The following AFF3 variants were observed in gnomAD, a reference collection of about 807,000 sequenced individuals.
AFF3 encodes AF4/FMR2 family member 3.
A neutral mutation model predicts 129.7 loss-of-function variants in AFF3; 32 were observed. The observed-to-expected ratio is 0.25, with a 90% CI of 0.19 to 0.33. The LOEUF is 0.33. AFF3 is among the 10% of genes least tolerant of loss of function. The pLI is 1.00. For missense variants in AFF3, 1,373 were observed against 1,592.0 expected, an observed-to-expected ratio of 0.86 and a Z score of 2.34; for synonymous variants, 644 against 635.4, an observed-to-expected ratio of 1.01 and a Z score of -0.20.
Position 99,545,897 on chromosome 2 carries a change from T to C in AFF3, c.*5577A>G, listed in dbSNP as rs1451252256. On this transcript the variant is annotated 3_prime_UTR_variant, in exon 25 of 25. Transcript: ENST00000672756. Reference sequence around the variant, plus strand: ...AGAACGGAGTTTATAATTTTCCTCATGCCAAGCAAACAAGTTAACCCCTTT... The same window carrying C: ...AGAACGGAGTTTATAATTTTCCTCACGCCAAGCAAACAAGTTAACCCCTTT... 1 of 197,186 alleles carries C rather than the reference T, an allele frequency of 5.1e-6. No individual in the cohort carries two copies. Among genetic ancestry groups the C allele is most frequent in the Non-Finnish European group, 1.1e-5 (1 of 95,076 alleles). 12.2% of individuals were successfully genotyped at this position (197,186 alleles called of 1,614,324 possible).
At chr2:99,818,175 T>C (rs1687388370) in intron 8 of AFF3, among the ~76,000 whole-genome samples, 1 of 152,190 alleles carries the variant, frequency 6.6e-6, no homozygotes, top group Admixed American at 6.5e-5. Flanking sequence ...TCAAAGGAAA[T>C]GTTTATTGTA....
intron 7 of AFF3, among the ~76,000 whole-genome samples, chr2:99,865,061 C>A (rs1441279264): frequency 6.6e-6 from 1 of 152,236 alleles, no homozygotes; most frequent in African/African-American, 2.4e-5. Flanking sequence ...CACTGCAACA[C>A]TCAGTGTATT....
chr2:99,976,966 A>C (rs1678956458), intron 7 of AFF3, among the ~76,000 whole-genome samples: 1 of 152,224 alleles, frequency 6.6e-6, no homozygotes, highest in Non-Finnish European at 1.5e-5. Flanking sequence ...AAGGGTACTC[A>C]GAGAGAGGAT....
chr2:100,009,610 G>T (rs1278051460), intron 4 of AFF3, among the ~76,000 whole-genome samples: 4 of 152,152 alleles, frequency 2.6e-5, no homozygotes, highest in Non-Finnish European at 5.9e-5. Flanking sequence ...GTGTCATCAA[G>T]GAACTCCGCC....
intron 10 of AFF3, among the ~76,000 whole-genome samples, chr2:99,743,846 T>C (rs778846100): frequency 4.1e-4 from 63 of 152,334 alleles, no homozygotes; most frequent in Admixed American, 1.2e-3. Flanking sequence ...TAATAAAGCA[T>C]GAAGTTCCTT....
At chr2:99,629,299 T>A (rs926072536) in intron 13 of AFF3, among the ~76,000 whole-genome samples, 1 of 152,180 alleles carries the variant, frequency 6.6e-6, no homozygotes, top group Admixed American at 6.5e-5. Context: ...CTGAGTGACT[T>A]TTGTCAGTGA....
At chr2:99,596,962 C>T (rs1679349991) in intron 14 of AFF3, among the ~76,000 whole-genome samples, 1 of 152,110 alleles carries the variant, frequency 6.6e-6, no homozygotes, top group Non-Finnish European at 1.5e-5. Context: ...CTAAGGGGGG[C>T]GTTTAAGGGC....
At chr2:100,068,755 G>T (rs954850899) in intron 4 of AFF3, among the ~76,000 whole-genome samples, 3 of 152,126 alleles carry the variant, frequency 2.0e-5, no homozygotes, top group Non-Finnish European at 4.4e-5. Context: ...GATGCTGGGA[G>T]GGAAATCCCA....
chr2:100,104,724 C>T, intron 3 of AFF3: 1 of 946,412 alleles, frequency 1.1e-6, no homozygotes, highest in Non-Finnish European at 1.2e-6. Context: ...CTCGCCGCGC[C>T]GCCGCCGCCC....
At chr2:99,956,045 G>A (rs752050481) in intron 7 of AFF3, among the ~76,000 whole-genome samples, 47 of 151,492 alleles carry the variant, frequency 3.1e-4, no homozygotes, top group Non-Finnish European at 5.7e-4. Context: ...AAAAATAAAA[G>A]CAGAAAAACT....
intron 9 of AFF3, among the ~76,000 whole-genome samples, chr2:99,751,499 T>C (rs1234709487): frequency 6.6e-6 from 1 of 152,224 alleles, no homozygotes; most frequent in Non-Finnish European, 1.5e-5. Context: ...AAAATATACA[T>C]ATTTTCTATA....
At chr2:99,633,323 G>A (rs972403518) in intron 13 of AFF3, among the ~76,000 whole-genome samples, 1 of 152,114 alleles carries the variant, frequency 6.6e-6, no homozygotes, top group Non-Finnish European at 1.5e-5. Context: ...AGTGATGAGG[G>A]TCACCAAAAG....
At chr2:99,998,715 C>A (rs1422589070) in intron 7 of AFF3, among the ~76,000 whole-genome samples, 2 of 152,134 alleles carry the variant, frequency 1.3e-5, no homozygotes, top group East Asian at 1.9e-4. Context: ...GAGACATACA[C>A]GGCTTATGTT....
intron 4 of AFF3, among the ~76,000 whole-genome samples, chr2:100,032,908 G>C (rs982632945): frequency 6.6e-6 from 1 of 152,154 alleles, no homozygotes; most frequent in Non-Finnish European, 1.5e-5. Flanking sequence ...ATTACCATAA[G>C]TAGTAAGTAA....
chr2:99,842,652 A>G (rs1441384850), intron 7 of AFF3, among the ~76,000 whole-genome samples: 1 of 152,220 alleles, frequency 6.6e-6, no homozygotes, highest in African/African-American at 2.4e-5. Flanking sequence ...ACTGTCTAGC[A>G]TGTGATTTCC....
chr2:99,766,623 T>TC (rs571809561), intron 8 of AFF3, among the ~76,000 whole-genome samples: 129 of 151,654 alleles, frequency 8.5e-4, no homozygotes, highest in Non-Finnish European at 1.6e-3. Flanking sequence ...ATTAAAACAT[T>TC]CCCCCCCAAA....
chr2:99,785,108 G>C (rs1171261750), intron 8 of AFF3, among the ~76,000 whole-genome samples: 1 of 152,164 alleles, frequency 6.6e-6, no homozygotes, highest in East Asian at 1.9e-4. Context: ...CGGTAGCCAG[G>C]AGAGAATGCA....
chr2:99,563,071 G>T (rs1317638148), intron 20 of AFF3, among the ~76,000 whole-genome samples: 1 of 152,092 alleles, frequency 6.6e-6, no homozygotes, highest in Non-Finnish European at 1.5e-5. Flanking sequence ...TACATCCTGG[G>T]CTAGGTCATC....
chr2:100,086,415 G>A (rs1689434755), intron 4 of AFF3, among the ~76,000 whole-genome samples: 1 of 151,978 alleles, frequency 6.6e-6, no homozygotes, highest in African/African-American at 2.4e-5. Flanking sequence ...CAGCTACTTG[G>A]GAGGCTGAGG....
Sources: gnomAD v4.1 joint callset for allele counts (sites outside exome capture counted in the v4.1 genomes callset) on GRCh38, gnomAD v4.1.1 for gene constraint, MANE v1.5 for transcripts, NCBI Gene and HGNC (gene_info 2026-07-23, HGNC 2026-07-21) for gene names.